The following HHIPL2 variants were observed in gnomAD, a reference collection of about 807,000 sequenced individuals.
HHIPL2 encodes the protein HHIP-like protein 2.
Under a neutral mutation model 61.0 loss-of-function variants are expected in HHIPL2, and 61 were observed. The observed-to-expected ratio is 1.00, with a 90% CI of 0.81 to 1.24. The LOEUF (loss-of-function observed/expected upper bound fraction) is 1.24. Among genes scored for constraint, HHIPL2 ranks in the 50% most tolerant of loss-of-function variants. The pLI is 0.00. For missense variants in HHIPL2, 885 were observed against 910.2 expected, an observed-to-expected ratio of 0.97 and a Z score of 0.36; for synonymous variants, 343 against 357.4, an observed-to-expected ratio of 0.96 and a Z score of 0.45.
chr1:222,540,074 A>T lies in HHIPL2; in HGVS notation c.1386T>A (p.Tyr462Ter), dbSNP rs1260100569. 1 of 1,614,258 alleles carries T rather than the reference A, an allele frequency of 6.2e-7. No homozygotes were observed. Among genetic ancestry groups the T allele is most frequent in the South Asian group, 1.1e-5 (1 of 91,086 alleles). The change falls in exon 4 of 9, where the codon TAT (tyrosine) becomes TAA (stop). Residue 462 changes from tyrosine to a stop codon, truncating the protein, a stop_gained. Coordinates refer to ENST00000343410, the MANE Select transcript of HHIPL2 (RefSeq NM_024746.4). LOFTEE classifies it high-confidence loss of function. ...EVDLILKGGN[Y>*]GWRAKEGFAC... is the part of the protein sequence containing the mutation. ...CAAACCCTTCCTTTGCTCTCCAGCC[A>T]TAGTTTCCACCTTTCAAAATGAGGT... is the stretch of plus-strand genomic sequence containing the variant.
intron 5 of HHIPL2, among the ~76,000 whole-genome samples, chr1:222,536,998 C>T (rs1365254617): frequency 6.6e-6 from 1 of 152,058 alleles, no homozygotes; most frequent in Admixed American, 6.5e-5. Context: ...ATGATCGTGC[C>T]ATTGCAGTCC....
At chr1:222,547,575 G>C in intron 1 of HHIPL2, 149 bp downstream of exon 1, 1 of 645,276 alleles carries the variant, frequency 1.5e-6, no homozygotes, top group Non-Finnish European at 2.7e-6. Context: ...ACTCATGTCA[G>C]TGTGCGTGTC....
rs779530726 is a variant in HHIPL2, at chr1:222,523,689, G to A, written c.1811C>T (p.Ala604Val). ...CTTGTATTTGCACTTGCCTGGGGGTGCTCGCCTAAAAACACAAACAGAAAG... is the reference window on the plus strand; with the variant it reads ...CTTGTATTTGCACTTGCCTGGGGGTACTCGCCTAAAAACACAAACAGAAAG... ...IYKFVDPSRR[A>V]PPGKCKYKPV... Residue 604 changes from alanine to valine, a missense_variant, in exon 8 of 9, where the codon GCA (alanine) becomes GTA (valine). By Grantham distance (64) the Ala-to-Val change is moderately conservative (BLOSUM62 0). Transcript: ENST00000343410. 1 of 1,614,104 alleles carries A rather than the reference G, an allele frequency of 6.2e-7. No homozygotes were observed. Among genetic ancestry groups the A allele is most frequent in the African/African-American group, 1.3e-5 (1 of 75,028 alleles).
At chr1:222,538,195 G>GGT (rs373452655) in intron 5 of HHIPL2, among the ~76,000 whole-genome samples, 12,661 of 135,672 alleles carry the variant, frequency 0.093, 626 homozygotes, top group Middle Eastern at 0.14. Context: ...CTCTGGCTGG[G>GGT]GTGTGTGTGT....
chr1:222,527,817 A>G (rs1024077742), intron 6 of HHIPL2, among the ~76,000 whole-genome samples: 4 of 152,128 alleles, frequency 2.6e-5, no homozygotes, highest in Non-Finnish European at 4.4e-5. Flanking sequence ...ATAAGAGGAA[A>G]TCCCTTTTTC....
intron 5 of HHIPL2, among the ~76,000 whole-genome samples, chr1:222,534,842 C>T (rs1280682326): frequency 6.6e-6 from 1 of 151,824 alleles, no homozygotes; most frequent in African/African-American, 2.4e-5. Flanking sequence ...TTTAAGCAGC[C>T]CAATATACAT....
intron 5 of HHIPL2, among the ~76,000 whole-genome samples, chr1:222,534,734 A>T (rs1659266138): frequency 6.6e-6 from 1 of 152,052 alleles, no homozygotes. Flanking sequence ...CAAAAGAAAC[A>T]ATTCATGAAC....
rs1659583938 is a variant in HHIPL2 at position 222,547,725 on chromosome 1, T to C, written c.320A>G (p.Gln107Arg). 1 of 1,609,222 alleles carries C rather than the reference T, an allele frequency of 6.2e-7. No individual in the cohort carries two copies. The highest frequency in any genetic ancestry group is 1.1e-5 in the South Asian group (1 of 90,992). ...GGGCTGGAAGGCACTTTTCACTACCTGGCAAAGGATGTCTTTAATGTAATC... is the reference window on the plus strand; with the variant it reads ...GGGCTGGAAGGCACTTTTCACTACCCGGCAAAGGATGTCTTTAATGTAATC... ...CGDYIKDILC[Q>R]ECSPYAAHLY... Residue 107 changes from glutamine (Q) to arginine (R), a missense_variant and splice_region_variant, in exon 1 of 9, where the codon CAG becomes CGG. Physicochemically the swap from Gln to Arg is conservative, Grantham distance 43 (BLOSUM62 1). Coordinates refer to ENST00000343410, the MANE Select transcript of HHIPL2 (RefSeq NM_024746.4).
intron 3 of HHIPL2, among the ~76,000 whole-genome samples, chr1:222,541,617 G>A (rs1659434704): frequency 6.6e-6 from 1 of 152,152 alleles, no homozygotes; most frequent in Non-Finnish European, 1.5e-5. Flanking sequence ...CAAGCTGCAA[G>A]CACCCAATAC....
chr1:222,544,075 A>G lies in HHIPL2; in HGVS notation c.436T>C (p.Ser146Pro). Residue 146 changes from serine (S) to proline (P), a missense_variant, in exon 2 of 9, where the codon TCA (serine) becomes CCA (proline). By Grantham distance (74) the Ser-to-Pro change is moderately conservative. Coordinates refer to ENST00000343410, the MANE Select transcript of HHIPL2 (RefSeq NM_024746.4). ...TCATTGGTCAGCAGGGAAATGGCTG[A>G]GTGACAGTTAGAATGGAAGGCAGAG... Reference protein sequence around the residue: ...YCSAFHSNCHSAISLLTNDRG... With the variant: ...YCSAFHSNCHPAISLLTNDRG... 1 of 1,614,140 alleles carries G rather than the reference A, an allele frequency of 6.2e-7. No individual in the cohort carries two copies. The highest frequency in any genetic ancestry group is 8.5e-7 in the Non-Finnish European group (1 of 1,180,038).
chr1:222,527,109 G>T, intron 6 of HHIPL2, 59 bp from the exon 7 acceptor site: 1 of 1,312,886 alleles, frequency 7.6e-7, no homozygotes, highest in Non-Finnish European at 1.1e-6. Context: ...GAGACACAGA[G>T]TTGGATGCAC....
chr1:222,548,010 C>A lies in HHIPL2; in HGVS notation c.35G>T (p.Gly12Val). 1 of 1,596,988 alleles carries A rather than the reference C, an allele frequency of 6.3e-7. No homozygotes were observed. Among genetic ancestry groups the A allele is most frequent in the Non-Finnish European group, 8.5e-7 (1 of 1,170,646 alleles). Reference sequence around the variant, plus strand: ...GAGCCAGGGGGCCCGGCAATGCAGACCACCACACAGATTAGGAGTGGACGT... The same window carrying A: ...GAGCCAGGGGGCCCGGCAATGCAGAACACCACACAGATTAGGAGTGGACGT... ...LRTSTPNLCG[G>V]LHCRAPWLSS... Residue 12 changes from glycine to valine, a missense_variant, in exon 1 of 9, where the codon GGT (glycine) becomes GTT (valine). Coordinates refer to ENST00000343410, the MANE Select transcript of HHIPL2 (RefSeq NM_024746.4).
chr1:222,524,122 C>T (rs1424757684), intron 7 of HHIPL2: 1 of 165,698 alleles, frequency 6.0e-6, no homozygotes, highest in African/African-American at 2.4e-5. Flanking sequence ...TCTGCTGCTG[C>T]TTCTGATGGT....
intron 4 of HHIPL2, chr1:222,539,063 C>T (rs1659367514): frequency 5.3e-6 from 2 of 378,362 alleles, no homozygotes; most frequent in Non-Finnish European, 9.5e-6. Context: ...AGTTTTCCCC[C>T]TAGGTTGATA....
chr1:222,526,620 G>A (rs1394381626), intron 7 of HHIPL2, among the ~76,000 whole-genome samples: 4 of 149,420 alleles, frequency 2.7e-5, no homozygotes, highest in African/African-American at 7.4e-5. Flanking sequence ...CAGGAATATC[G>A]CTTGAACCTG....
intron 6 of HHIPL2, among the ~76,000 whole-genome samples, chr1:222,527,928 A>G (rs887636610): frequency 5.9e-5 from 9 of 152,094 alleles, no homozygotes; most frequent in African/African-American, 2.2e-4. Context: ...CTGTGAGTCC[A>G]CTAAGCCTCT....
intron 5 of HHIPL2, among the ~76,000 whole-genome samples, 190 bp downstream of exon 5, chr1:222,538,458 C>A (rs1026801396): frequency 1.3e-5 from 2 of 150,584 alleles, no homozygotes; most frequent in African/African-American, 4.9e-5. Context: ...AGGTAATAGA[C>A]AAGAAGGAGC....
intron 6 of HHIPL2, among the ~76,000 whole-genome samples, chr1:222,531,576 C>T (rs1266279740): frequency 1.3e-5 from 2 of 151,924 alleles, no homozygotes; most frequent in Non-Finnish European, 2.9e-5. Flanking sequence ...GGCAAAACCC[C>T]GTCTCTACTA....
Position 222,527,032 on chromosome 1 carries a change from G to T in HHIPL2, c.1742C>A (p.Ala581Glu), listed in dbSNP as rs201770026. The T allele has an allele frequency of 6.8e-6, 11 of 1,613,172 alleles. No homozygotes were observed. The highest frequency in any genetic ancestry group is 4.2e-6 in the Non-Finnish European group (5 of 1,179,596). ...EDEAGELYFL[A>E]TSYPSAYAPR... ...TGCATAGGCACTTGGGTAAGAGGTCGCCAGGAAATACAGCTCCCCTAAGGC... is the reference window on the plus strand; with the variant it reads ...TGCATAGGCACTTGGGTAAGAGGTCTCCAGGAAATACAGCTCCCCTAAGGC... The change falls in exon 7 of 9, where the codon GCG (alanine) becomes GAG (glutamate). Residue 581 changes from alanine to glutamate, a missense_variant. Coordinates refer to ENST00000343410, the MANE Select transcript of HHIPL2 (RefSeq NM_024746.4).
Sources: gnomAD v4.1 joint callset for allele counts (sites outside exome capture counted in the v4.1 genomes callset) on GRCh38, gnomAD v4.1.1 for gene constraint, MANE v1.5 for transcripts, NCBI Gene and HGNC (gene_info 2026-07-23, HGNC 2026-07-21) for gene names.